Variants in LRRC4C observed in about 807,000 individuals in gnomAD.
LRRC4C encodes the protein leucine rich repeat containing 4C, also known as leucine-rich repeat-containing protein 4C.
Under a neutral mutation model 33.6 loss-of-function variants are expected in LRRC4C, and 5 were observed. The ratio of observed to expected loss-of-function variants is 0.15; its 90% CI spans 0.08 to 0.31. The LOEUF (loss-of-function observed/expected upper bound fraction) is 0.31, where lower values mean the gene tolerates loss of function less well. Among genes scored for constraint, LRRC4C ranks in the 10% least tolerant of loss-of-function variants. The pLI is 1.00. For synonymous variants in LRRC4C, 329 were observed against 302.0 expected (o/e 1.09, Z -0.93); for missense variants, 560 against 796.7 (o/e 0.70, Z 3.58).
chr11:40,741,681 C>T (rs1262841384), intron 2 of LRRC4C, among the ~76,000 whole-genome samples: 1 of 151,888 alleles, frequency 6.6e-6, no homozygotes, highest in Non-Finnish European at 1.5e-5. Context: ...TTATTCTATT[C>T]AAAAAATCAA....
At chr11:40,440,758 A>C (rs1018621108) in intron 3 of LRRC4C, among the ~76,000 whole-genome samples, 2 of 152,190 alleles carry the variant, frequency 1.3e-5, no homozygotes, top group Non-Finnish European at 2.9e-5. Context: ...TTTATAGCTA[A>C]AATTAACAGA....
At chr11:40,258,429 G>A (rs12275745) in intron 4 of LRRC4C, among the ~76,000 whole-genome samples, 192 of 152,150 alleles carry the variant, frequency 1.3e-3, no homozygotes, top group African/African-American at 4.5e-3. Flanking sequence ...TATGTATATT[G>A]CACTAACATA....
At chr11:40,147,472 C>G (rs1483486139) in intron 5 of LRRC4C, among the ~76,000 whole-genome samples, 1 of 152,084 alleles carries the variant, frequency 6.6e-6, no homozygotes, top group East Asian at 1.9e-4. Flanking sequence ...CCTTATCACC[C>G]TAACTTCCTC....
At chr11:40,152,345 G>T (rs1858290897) in intron 5 of LRRC4C, among the ~76,000 whole-genome samples, 1 of 152,166 alleles carries the variant, frequency 6.6e-6, no homozygotes, top group African/African-American at 2.4e-5. Flanking sequence ...GGCACCACGG[G>T]GATCCACTGG....
chr11:41,124,331 C>T (rs758244952), intron 1 of LRRC4C, among the ~76,000 whole-genome samples: 2 of 152,174 alleles, frequency 1.3e-5, no homozygotes, highest in African/African-American at 4.8e-5. Context: ...CATCTTCTGC[C>T]ACCAATCCAA....
intron 4 of LRRC4C, among the ~76,000 whole-genome samples, chr11:40,306,938 C>CCGT (rs1945061580): frequency 1.1e-5 from 1 of 94,470 alleles, no homozygotes. Flanking sequence ...ACAAGGTTAT[C>CCGT]TGGTTTTTTT....
intron 5 of LRRC4C, among the ~76,000 whole-genome samples, chr11:40,158,944 T>G (rs959421658): frequency 6.6e-6 from 1 of 152,324 alleles, no homozygotes; most frequent in South Asian, 2.1e-4. Flanking sequence ...TTCATTTCTT[T>G]ATTCACTCAT....
At chr11:40,826,804 A>T (rs1952187312) in intron 2 of LRRC4C, among the ~76,000 whole-genome samples, 1 of 151,976 alleles carries the variant, frequency 6.6e-6, no homozygotes, top group Non-Finnish European at 1.5e-5. Context: ...TTTTCACTGG[A>T]AGGATTTCAA....
intron 4 of LRRC4C, among the ~76,000 whole-genome samples, chr11:40,296,712 A>G (rs1008905101): frequency 4.6e-5 from 7 of 152,136 alleles, no homozygotes; most frequent in Admixed American, 2.6e-4. Context: ...ATGCAAACCA[A>G]ATTGTTGCTG....
intron 1 of LRRC4C, among the ~76,000 whole-genome samples, chr11:41,309,605 G>C (rs1950594563): frequency 6.6e-6 from 1 of 152,176 alleles, no homozygotes; most frequent in African/African-American, 2.4e-5. Context: ...TGCAGTACAA[G>C]ATGACAGGGT....
intron 1 of LRRC4C, among the ~76,000 whole-genome samples, chr11:41,385,004 C>T (rs1454721304): frequency 6.7e-6 from 1 of 150,242 alleles, no homozygotes; most frequent in Admixed American, 6.6e-5. Context: ...GGTAAAAAAG[C>T]ATTAGTAGAG....
intron 6 of LRRC4C, among the ~76,000 whole-genome samples, chr11:40,128,153 A>G (rs1323577425): frequency 6.6e-6 from 1 of 152,184 alleles, no homozygotes; most frequent in African/African-American, 2.4e-5. Flanking sequence ...CTAAGTAGGA[A>G]TGATGATAAC....
chr11:40,717,273 A>ATT (rs59205744), intron 2 of LRRC4C, among the ~76,000 whole-genome samples: 22 of 141,540 alleles, frequency 1.6e-4, no homozygotes, highest in African/African-American at 5.4e-4. Flanking sequence ...ATGTATGTGT[A>ATT]TTTTTTTTTT....
chr11:40,310,215 T>C (rs1007575475), intron 4 of LRRC4C, among the ~76,000 whole-genome samples: 1 of 152,220 alleles, frequency 6.6e-6, no homozygotes, highest in Non-Finnish European at 1.5e-5. Context: ...TTTTCAAAAG[T>C]ACAACCATGC....
intron 1 of LRRC4C, among the ~76,000 whole-genome samples, chr11:41,080,607 C>A (rs769752984): frequency 6.6e-6 from 1 of 152,262 alleles, no homozygotes; most frequent in Non-Finnish European, 1.5e-5. Flanking sequence ...CCAGCCTCAG[C>A]CTCCCAAAGT....
At chr11:40,898,992 G>A (rs1314891502) in intron 2 of LRRC4C, among the ~76,000 whole-genome samples, 1 of 151,670 alleles carries the variant, frequency 6.6e-6, no homozygotes, top group Non-Finnish European at 1.5e-5. Flanking sequence ...AGAAGTTATT[G>A]AATTTTGACC....
At chr11:40,269,567 C>T (rs1230090651) in intron 4 of LRRC4C, among the ~76,000 whole-genome samples, 1 of 152,030 alleles carries the variant, frequency 6.6e-6, no homozygotes, top group Admixed American at 6.6e-5. Flanking sequence ...CTATGTCACT[C>T]CAAACTGACA....
At chr11:41,222,368 C>T (rs917462661) in intron 1 of LRRC4C, among the ~76,000 whole-genome samples, 4 of 152,108 alleles carry the variant, frequency 2.6e-5, no homozygotes, top group African/African-American at 9.7e-5. Flanking sequence ...TTCCTCTCCC[C>T]CAAAGAGCAG....
At chr11:41,335,722 T>A (rs1951432119) in intron 1 of LRRC4C, among the ~76,000 whole-genome samples, 3 of 152,194 alleles carry the variant, frequency 2.0e-5, no homozygotes, top group African/African-American at 4.8e-5. Flanking sequence ...AGCAAATGAA[T>A]GAATATATAA....
Sources: allele counts gnomAD v4.1 joint callset (sites outside exome capture counted in the v4.1 genomes callset), GRCh38; gene constraint gnomAD v4.1.1; transcripts MANE v1.5; gene names NCBI Gene and HGNC (gene_info 2026-07-23, HGNC 2026-07-21).